Variants in DDX39A observed in about 807,000 individuals in gnomAD.
The protein encoded by DDX39A is ATP-dependent RNA helicase DDX39A.
Under a neutral mutation model 46.3 loss-of-function variants are expected in DDX39A, and 13 were observed. The ratio of observed to expected loss-of-function variants is 0.28; its 90% CI spans 0.18 to 0.45. The LOEUF (loss-of-function observed/expected upper bound fraction) is 0.45, where lower values mean the gene tolerates loss of function less well. Ranked by LOEUF, DDX39A falls within the 20% of genes least tolerant of loss-of-function variation. DDX39A has a pLI of 1.00. For synonymous variants in DDX39A, 234 were observed against 224.6 expected (o/e 1.04, Z -0.38); for missense variants, 352 against 581.8 (o/e 0.61, Z 4.06).
At position 14,409,978 on chromosome 19, in the gene DDX39A, G is replaced by T; in HGVS notation, c.733-105C>A. The T allele has an allele frequency of 7.0e-7, 1 of 1,422,254 alleles. No individual in the cohort carries two copies. Among genetic ancestry groups the T allele is most frequent in the Non-Finnish European group, 9.8e-7 (1 of 1,016,550 alleles). 88.1% of individuals were successfully genotyped at this position (1,422,254 alleles called of 1,614,324 possible). ...ACTCCTTTGTGCGACACTTCCCAGA[G>T]GACCTGCTGCACCAGACCTCAGTAA... On this transcript the variant is annotated intron_variant, in intron 6 of 10. Coordinates refer to ENST00000242776, the MANE Select transcript of DDX39A (RefSeq NM_005804.4). This position sits in a 1 kb window ranked among gnomAD's most constrained non-coding sequence, Gnocchi z 8.3.
chr19:14,409,668 G>A lies in DDX39A; in HGVS notation c.865-23C>T. 6.2e-7 allele frequency: 1 copy of A among 1,610,078 alleles called. No homozygotes were observed. The highest frequency in any genetic ancestry group is 8.5e-7 in the Non-Finnish European group (1 of 1,177,178). On this transcript the variant is annotated intron_variant, in intron 7 of 10. Coordinates refer to ENST00000242776, the MANE Select transcript of DDX39A (RefSeq NM_005804.4). The surrounding 1 kb of genome is among the most constrained non-coding windows in gnomAD (Gnocchi z 8.3). The stretch of plus-strand genomic sequence containing the variant: ...CACCTGAGGGAAGGAGTGGCAGTCA[G>A]GGCCACACAGTCCCTGTGGCCCAGT...
At chr19:14,415,746 C>T (rs1051895831) in intron 1 of DDX39A, among the ~76,000 whole-genome samples, 12 of 152,002 alleles carry the variant, frequency 7.9e-5, no homozygotes, top group African/African-American at 2.7e-4. Context: ...CATCCCCCAG[C>T]CCCTCCCCAG....
In DDX39A at chr19:14,412,846, C is replaced by G; in HGVS notation, c.208+167G>C. On this transcript the variant is annotated intron_variant, in intron 2 of 10. Coordinates refer to ENST00000242776, the MANE Select transcript of DDX39A (RefSeq NM_005804.4). This position sits in a 1 kb window ranked among gnomAD's most constrained non-coding sequence, Gnocchi z 4.4. ...TATCCGCCTGGTCAAAGCAGAACGC[C>G]CCACTGCCGAGGGCAGCCACAGGCC... 1.6e-6 allele frequency: 2 copies of G among 1,258,182 alleles called. No individual in the cohort carries two copies. The highest frequency in any genetic ancestry group is 2.9e-5 in the South Asian group (2 of 68,012). The allele number at this position is 1,258,182 out of a possible 1,614,324, so 77.9% of individuals were successfully genotyped here.
At position 14,412,706 on chromosome 19, in the gene DDX39A, G is replaced by A. The variant is rs770989894; in HGVS notation, c.209-28C>T. On this transcript the variant is annotated intron_variant, in intron 2 of 10. Coordinates refer to ENST00000242776, the MANE Select transcript of DDX39A (RefSeq NM_005804.4). This position sits in a 1 kb window ranked among gnomAD's most constrained non-coding sequence, Gnocchi z 4.4. ...GCAGGAGAAGCAGAGCGTGAGGGACGAGAACCTGGATGCACCCCCGTGCAG... is the reference window on the plus strand; with the variant it reads ...GCAGGAGAAGCAGAGCGTGAGGGACAAGAACCTGGATGCACCCCCGTGCAG... 9 of 1,583,628 alleles carry A rather than the reference G, an allele frequency of 5.7e-6. No homozygotes were observed. In the Admixed American group the frequency reaches 6.8e-5, roughly 12 times the overall value.
In DDX39A at chr19:14,410,224, T is replaced by G; in HGVS notation, c.724A>C (p.Met242Leu). 6.2e-7 allele frequency: 1 copy of G among 1,613,868 alleles called. No individual in the cohort carries two copies. ...KDIRPVCRKF[M>L]QDPMEVFVDD... is the part of the protein sequence containing the mutation. Reference sequence around the variant, plus strand: ...ACTCTCGCCCTACTCACATCCTGCATGAACTTCCTGCACACAGGCCGGATG... The same window carrying G: ...ACTCTCGCCCTACTCACATCCTGCAGGAACTTCCTGCACACAGGCCGGATG... The change falls in exon 6 of 11, where the codon ATG (methionine) becomes CTG (leucine). Residue 242 changes from methionine (M) to leucine (L), a missense_variant. Physicochemically the swap from Met to Leu is conservative, Grantham distance 15. Coordinates refer to ENST00000242776, the MANE Select transcript of DDX39A (RefSeq NM_005804.4). This position sits in a 1 kb window ranked among gnomAD's most constrained non-coding sequence, Gnocchi z 4.3.
intron 1 of DDX39A, 158 bp downstream of exon 1, chr19:14,419,112 G>A: frequency 2.5e-6 from 1 of 402,060 alleles, no homozygotes; most frequent in South Asian, 1.7e-5. Context: ...GGTGCCCAAC[G>A]GCCAACACAC....
intron 1 of DDX39A, among the ~76,000 whole-genome samples, chr19:14,417,392 GGGA>G (rs777353943): frequency 6.6e-6 from 1 of 151,614 alleles, no homozygotes; most frequent in Non-Finnish European, 1.5e-5. Context: ...AAGCCAGCGT[GGGA>G]GGATGGCTTG....
At chr19:14,414,951 A>G (rs1190715380) in intron 1 of DDX39A, among the ~76,000 whole-genome samples, 3 of 151,628 alleles carry the variant, frequency 2.0e-5, no homozygotes, top group Non-Finnish European at 2.9e-5. Flanking sequence ...AAAAAAAAAA[A>G]AAAAAAGAAA....
chr19:14,412,855 G>T lies in DDX39A; in HGVS notation c.208+158C>A. ...GGTCAAAGCAGAACGCCCCACTGCC[G>T]AGGGCAGCCACAGGCCCCGCTGGGC... On this transcript the variant is annotated intron_variant, in intron 2 of 10. Transcript: ENST00000242776. The surrounding 1 kb of genome is among the most constrained non-coding windows in gnomAD (Gnocchi z 4.4). The T allele has an allele frequency of 8.0e-7, 1 of 1,248,882 alleles. No individual in the cohort carries two copies. Among genetic ancestry groups the T allele is most frequent in the Non-Finnish European group, 1.1e-6 (1 of 913,056 alleles). 77.4% of individuals were successfully genotyped at this position (1,248,882 alleles called of 1,614,324 possible).
intron 1 of DDX39A, among the ~76,000 whole-genome samples, chr19:14,418,589 C>T (rs1251818630): frequency 6.6e-6 from 1 of 152,044 alleles, no homozygotes; most frequent in Non-Finnish European, 1.5e-5. Context: ...TCCCGAGTAG[C>T]TGGGACCACA....
At chr19:14,418,160 A>G (rs1438853658) in intron 1 of DDX39A, among the ~76,000 whole-genome samples, 1 of 151,332 alleles carries the variant, frequency 6.6e-6, no homozygotes, top group African/African-American at 2.4e-5. Flanking sequence ...GAGAGAGATA[A>G]ATAAATTGGG....
chr19:14,418,968 G>T, intron 1 of DDX39A: 1 of 456,158 alleles, frequency 2.2e-6, no homozygotes, highest in Non-Finnish European at 4.4e-6. Context: ...CCGCCGCGGG[G>T]TCTATTCGGA....
chr19:14,410,791 T>G lies in DDX39A; in HGVS notation c.613+198A>C. The G allele has an allele frequency of 1.8e-6, 1 of 562,588 alleles. No individual in the cohort carries two copies. Among genetic ancestry groups the G allele is most frequent in the East Asian group, 2.9e-5 (1 of 33,966 alleles). 34.8% of individuals were successfully genotyped at this position (562,588 alleles called of 1,614,324 possible). The stretch of plus-strand genomic sequence containing the variant: ...CTTTACGTCCAGGAGGGACGGGGGC[T>G]TGCTTGGGCCCCGTGGTCCCATTCG... On this transcript the variant is annotated intron_variant, in intron 5 of 10. Coordinates refer to ENST00000242776, the MANE Select transcript of DDX39A (RefSeq NM_005804.4). This position sits in a 1 kb window ranked among gnomAD's most constrained non-coding sequence, Gnocchi z 4.3.
chr19:14,414,587 G>A (rs1363023638), intron 1 of DDX39A, among the ~76,000 whole-genome samples: 1 of 148,964 alleles, frequency 6.7e-6, no homozygotes, highest in Admixed American at 6.7e-5. Flanking sequence ...CTGACCTCAT[G>A]ATCTACCCAC....
Position 14,409,342 on chromosome 19 carries a change from G to A in DDX39A, c.1080C>T (p.Asn360=), listed in dbSNP as rs1033992786. The part of the protein sequence containing the change: ...MDIERVNIVF[N]YDMPEDSDTY... ...TGTCCGAGTCCTCAGGCATGTCGTAGTTAAAGACGATGTTGACTCGCTCGA... is the reference window on the plus strand; with the variant it reads ...TGTCCGAGTCCTCAGGCATGTCGTAATTAAAGACGATGTTGACTCGCTCGA... The change falls in exon 9 of 11, where the codon AAC becomes AAT. Residue 360 remains asparagine (N), a synonymous_variant. Transcript: ENST00000242776. The surrounding 1 kb of genome is among the most constrained non-coding windows in gnomAD (Gnocchi z 8.3). 16 of 1,614,242 alleles carry A rather than the reference G, an allele frequency of 9.9e-6. No individual in the cohort carries two copies. The highest frequency in any genetic ancestry group is 1.4e-5 in the Non-Finnish European group (16 of 1,180,050).
rs775009962 is a variant in DDX39A at position 14,411,071 on chromosome 19, C to T, written c.531G>A (p.Ala177=). 41 of 1,612,862 alleles carry T rather than the reference C, an allele frequency of 2.5e-5. No homozygotes were observed. The highest frequency in any genetic ancestry group is 9.9e-5 in the South Asian group (9 of 90,966). The change falls in exon 5 of 11, where the codon GCG becomes GCA. Residue 177 remains alanine (A), a synonymous_variant. Transcript: ENST00000242776. This position sits in a 1 kb window ranked among gnomAD's most constrained non-coding sequence, Gnocchi z 4.1. ...GGCTGAAGCTCCTATTCCGCACGAGCGCCAGGATGCGGCCCGGGGTCCCCA... is the reference window on the plus strand; with the variant it reads ...GGCTGAAGCTCCTATTCCGCACGAGTGCCAGGATGCGGCCCGGGGTCCCCA... ...VVVGTPGRIL[A]LVRNRSFSLK... is the part of the protein sequence containing the mutation.
At chr19:14,418,006 T>C in intron 1 of DDX39A, among the ~76,000 whole-genome samples, 1 of 149,518 alleles carries the variant, frequency 6.7e-6, no homozygotes, top group South Asian at 2.1e-4. Flanking sequence ...CCGTCTCTAC[T>C]ACAAATACAA....
At position 14,410,049 on chromosome 19, in the gene DDX39A, G is replaced by A; in HGVS notation, c.732+167C>T. ...GTAAGCTCTGGCCCGACTCAGGTGT[G>A]GACCAAGCTTGACTCCCAGTTTGAC... On this transcript the variant is annotated intron_variant, in intron 6 of 10. Coordinates refer to ENST00000242776, the MANE Select transcript of DDX39A (RefSeq NM_005804.4). This position sits in a 1 kb window ranked among gnomAD's most constrained non-coding sequence, Gnocchi z 4.3. The A allele has an allele frequency of 9.4e-7, 1 of 1,063,640 alleles. No individual in the cohort carries two copies. The highest frequency in any genetic ancestry group is 1.4e-6 in the Non-Finnish European group (1 of 698,442). The allele number at this position is 1,063,640 out of a possible 1,614,324, so 65.9% of individuals were successfully genotyped here. A position where few individuals can be genotyped will look rare whatever the true frequency, so the allele number is the denominator to read the frequency against.
chr19:14,413,459 A>G (rs1200893711), intron 1 of DDX39A, among the ~76,000 whole-genome samples: 2 of 135,592 alleles, frequency 1.5e-5, no homozygotes, highest in African/African-American at 2.9e-5. Flanking sequence ...AGGGCTTCCC[A>G]TGGCTCACAG....
Sources: gnomAD v4.1 joint callset for allele counts (sites outside exome capture counted in the v4.1 genomes callset) on GRCh38, gnomAD v4.1.1 for gene constraint, Gnocchi (gnomAD v3.1) non-coding constraint, MANE v1.5 for transcripts, NCBI Gene and HGNC (gene_info 2026-07-23, HGNC 2026-07-21) for gene names.